MMP1: variants seen among roughly 807,000 people sequenced by gnomAD.
MMP1 encodes the protein interstitial collagenase.
Under a neutral mutation model 49.6 loss-of-function variants are expected in MMP1, and 51 were observed. The observed-to-expected ratio is 1.03, with a 90% CI of 0.82 to 1.30. MMP1 has a LOEUF of 1.30. Among genes scored for constraint, MMP1 ranks in the 50% most tolerant of loss-of-function variants. MMP1 has a pLI of 0.00. For synonymous variants in MMP1, 230 were observed against 196.8 expected (o/e 1.17, Z -1.41); for missense variants, 623 against 568.7 (o/e 1.10, Z -0.97).
At chr11:102,795,719 G>T in intron 4 of MMP1, 112 bp from the exon 5 acceptor site, 1 of 939,820 alleles carries the variant, frequency 1.1e-6, no homozygotes, top group Non-Finnish European at 1.5e-6. Flanking sequence ...TTTTATCAGT[G>T]ACTTTTGAAA....
intron 7 of MMP1, 92 bp downstream of exon 7, chr11:102,792,513 G>A (rs989210966): frequency 2.3e-6 from 3 of 1,290,280 alleles, no homozygotes; most frequent in African/African-American, 3.0e-5. Context: ...AAAAGTCCCT[G>A]GAGAGAATGT....
chr11:102,792,532 AC>A, intron 7 of MMP1, 72 bp downstream of exon 7: 1 of 1,441,492 alleles, frequency 6.9e-7, no homozygotes, highest in Non-Finnish European at 9.6e-7. Flanking sequence ...GTAGCTAGTA[AC>A]CTTATATCTC....
In MMP1 at chr11:102,796,721, C is replaced by T; in HGVS notation, c.568G>A (p.Gly190Ser). The T allele has an allele frequency of 1.2e-6, 2 of 1,614,008 alleles. No individual in the cohort carries two copies. Among genetic ancestry groups the T allele is most frequent in the South Asian group, 1.1e-5 (1 of 91,046 alleles). The change falls in exon 4 of 10, where the codon GGT becomes AGT. Residue 190 changes from glycine (G) to serine (S), a missense_variant. Gly to Ser is a moderately conservative substitution (Grantham distance 56). Transcript: ENST00000315274. ...TCAAAATGAGCATCCCCTCCAATAC[C>T]TGGGCCTGGTTGAAAAGCATGAGCA... The part of the protein sequence containing the change: ...NLAHAFQPGP[G>S]IGGDAHFDED...
Position 102,790,204 on chromosome 11 carries a change from A to G in MMP1, c.*208T>C, listed in dbSNP as rs1243649032. On this transcript the variant is annotated 3_prime_UTR_variant, in exon 10 of 10. Coordinates refer to ENST00000315274, the MANE Select transcript of MMP1 (RefSeq NM_002421.4). Reference sequence around the variant, plus strand: ...ATAAGCCACAAACTTGACTTTTTGTACCCACCATTTGTGGAACTAAATTAT... The same window carrying G: ...ATAAGCCACAAACTTGACTTTTTGTGCCCACCATTTGTGGAACTAAATTAT... The G allele has an allele frequency of 1.0e-5, 4 of 386,176 alleles. No individual in the cohort carries two copies. Among genetic ancestry groups the G allele is most frequent in the Non-Finnish European group, 1.8e-5 (4 of 216,318 alleles). The allele number at this position is 386,176 out of a possible 1,614,324, so 23.9% of individuals were successfully genotyped here. A position where few individuals can be genotyped will look rare whatever the true frequency, so the allele number is the denominator to read the frequency against.
Position 102,794,783 on chromosome 11 carries a change from A to G in MMP1, c.899+391T>C, listed in dbSNP as rs1360042160. ...GACCACTTTCTCCTAAGAAAGTCCA[A>G]TGATACTTATCACCATAAAGAGTGG... On this transcript the variant is annotated intron_variant, in intron 6 of 9. Transcript: ENST00000315274. The surrounding 1 kb of genome is among the most constrained non-coding windows in gnomAD (Gnocchi z 4.3). Among the ~76,000 whole-genome samples the G allele has an allele frequency of 6.6e-6, 1 of 152,216 alleles. No individual in the cohort carries two copies. The highest frequency in any genetic ancestry group is 1.5e-5 in the Non-Finnish European group (1 of 68,036).
chr11:102,795,428 C>A (rs5031037), intron 5 of MMP1, 24 bp downstream of exon 5: 3 of 1,609,808 alleles, frequency 1.9e-6, no homozygotes, highest in Non-Finnish European at 2.5e-6. Flanking sequence ...GGCCCTTGTC[C>A]GTAATGTTTT....
chr11:102,797,309 CTG>C lies in MMP1; in HGVS notation c.295_296del (p.Gln99ValfsTer5). On this transcript the variant is annotated frameshift_variant, in exon 2 of 10. Transcript: ENST00000315274. LOFTEE classifies it high-confidence loss of function. ...GAGGGTTCCCCTCAGTGAGGACAAA[CTG>C]AGCCACATCAGGCACTCCACATCTG... ...QPRCGVPDVA[Q>X]FVLTEGNPRW... 6.2e-7 allele frequency: 1 copy of C among 1,614,204 alleles called. No homozygotes were observed. Among genetic ancestry groups the C allele is most frequent in the South Asian group, 1.1e-5 (1 of 91,088 alleles).
intron 6 of MMP1, 126 bp downstream of exon 6, chr11:102,795,048 G>T (rs2134366455): frequency 2.5e-6 from 2 of 815,158 alleles, no homozygotes; most frequent in East Asian, 4.9e-5. Flanking sequence ...GCATGTGGTT[G>T]CTACCATGTG....
chr11:102,795,129 G>T (rs779961189), intron 6 of MMP1, 45 bp downstream of exon 6: 1 of 1,376,788 alleles, frequency 7.3e-7, no homozygotes, highest in East Asian at 2.3e-5. Flanking sequence ...GGTGAATGTT[G>T]TTATTATTAC....
chr11:102,793,448 T>C (rs1045885896), intron 6 of MMP1, among the ~76,000 whole-genome samples: 5 of 152,228 alleles, frequency 3.3e-5, no homozygotes, highest in Non-Finnish European at 7.3e-5. Context: ...ATGGCTATGG[T>C]TCACAGCTAG....
chr11:102,796,132 G>A (rs2134368279), intron 4 of MMP1, among the ~76,000 whole-genome samples: 1 of 152,212 alleles, frequency 6.6e-6, no homozygotes, highest in African/African-American at 2.4e-5. Context: ...TATATTTTTA[G>A]AAGAGACAGG....
chr11:102,795,125 T>C (rs1858143928), intron 6 of MMP1, 49 bp downstream of exon 6: 3 of 1,337,884 alleles, frequency 2.2e-6, no homozygotes, highest in Non-Finnish European at 3.2e-6. Flanking sequence ...TAGTGGTGAA[T>C]GTTGTTATTA....
intron 4 of MMP1, 134 bp from the exon 5 acceptor site, chr11:102,795,741 A>C: frequency 1.4e-6 from 1 of 738,638 alleles, no homozygotes; most frequent in Non-Finnish European, 2.1e-6. Context: ...ATATGCATGT[A>C]TATCTTTTTT....
chr11:102,792,136 T>C (rs908187677), intron 7 of MMP1, among the ~76,000 whole-genome samples: 7 of 152,232 alleles, frequency 4.6e-5, no homozygotes, highest in Non-Finnish European at 1.5e-5. Flanking sequence ...AATTTCATAA[T>C]TTAAAGGCTA....
chr11:102,797,916 A>C (rs1294646403), intron 1 of MMP1, 72 bp downstream of exon 1: 4 of 1,157,772 alleles, frequency 3.5e-6, no homozygotes, highest in African/African-American at 1.6e-5. Context: ...TCCTTAAAAA[A>C]CTCTATTACA....
chr11:102,790,370 T>G lies in MMP1; in HGVS notation c.*42A>C, dbSNP rs763359394. The G allele has an allele frequency of 2.4e-6, 3 of 1,237,774 alleles. No homozygotes were observed. In the Admixed American group the frequency reaches 5.7e-5, roughly 24 times the overall value. The allele number at this position is 1,237,774 out of a possible 1,614,324, so 76.7% of individuals were successfully genotyped here. ...GACAGTTCTTCAGGAAAACACCTTC[T>G]TTGGACTCACACCATGTGTTTTCCA... On this transcript the variant is annotated 3_prime_UTR_variant, in exon 10 of 10. Coordinates refer to ENST00000315274, the MANE Select transcript of MMP1 (RefSeq NM_002421.4).
In MMP1 at chr11:102,790,448, CT is replaced by C; in HGVS notation, c.1373del (p.Gln458ArgfsTer16). ...TGCAGTTGAACCAGCTATTAGCTTTCTGGAGAGTCAAAATTCTCTTCGTTTT... is the reference window on the plus strand; with the variant it reads ...TGCAGTTGAACCAGCTATTAGCTTTCGGAGAGTCAAAATTCTCTTCGTTTT... ...DPKTKRILTL[Q>X]KANSWFNCRK... On this transcript the variant is annotated frameshift_variant, in exon 10 of 10. Transcript: ENST00000315274. LOFTEE classifies it high-confidence loss of function. The C allele has an allele frequency of 6.2e-7, 1 of 1,610,718 alleles. No homozygotes were observed. Among genetic ancestry groups the C allele is most frequent in the South Asian group, 1.1e-5 (1 of 90,454 alleles).
At position 102,790,727 on chromosome 11, in the gene MMP1, C is replaced by T; in HGVS notation, c.1276G>A (p.Val426Ile). 6.2e-7 allele frequency: 1 copy of T among 1,612,564 alleles called. No homozygotes were observed. Among genetic ancestry groups the T allele is most frequent in the Non-Finnish European group, 8.5e-7 (1 of 1,178,714 alleles). Residue 426 changes from valine to isoleucine, a missense_variant, in exon 9 of 10, where the codon GTT becomes ATT. Coordinates refer to ENST00000315274, the MANE Select transcript of MMP1 (RefSeq NM_002421.4). Reference protein sequence around the residue: ...AHDFPGIGHKVDAVFMKDGFF... With the variant: ...AHDFPGIGHKIDAVFMKDGFF... Reference sequence around the variant, plus strand: ...CCATCTTTCATGAAAACTGCATCAACTTTGTGGCCAATTCCAGGAAAGTCA... The same window carrying T: ...CCATCTTTCATGAAAACTGCATCAATTTTGTGGCCAATTCCAGGAAAGTCA...
In MMP1 at chr11:102,795,621, T is replaced by C. The variant is rs1858167027; in HGVS notation, c.626-14A>G. On this transcript the variant is annotated splice_polypyrimidine_tract_variant and intron_variant, in intron 4 of 9. Coordinates refer to ENST00000315274, the MANE Select transcript of MMP1 (RefSeq NM_002421.4). ...GTAAGTTGTACTCTAAAAAGGCCAA[T>C]AAATCAATTTGTAATTATTTGAAAG... is the stretch of plus-strand genomic sequence containing the variant. The C allele has an allele frequency of 6.3e-7, 1 of 1,592,840 alleles. No homozygotes were observed. Among genetic ancestry groups the C allele is most frequent in the Non-Finnish European group, 8.5e-7 (1 of 1,171,698 alleles).
Sources: gnomAD v4.1 joint callset for allele counts (sites outside exome capture counted in the v4.1 genomes callset) on GRCh38, gnomAD v4.1.1 for gene constraint, Gnocchi (gnomAD v3.1) non-coding constraint, MANE v1.5 for transcripts, NCBI Gene and HGNC (gene_info 2026-07-23, HGNC 2026-07-21) for gene names.